The following GAB2 variants were observed in gnomAD, a reference collection of about 807,000 sequenced individuals.
GAB2 encodes GRB2 associated binding protein 2, also known as GRB2-associated-binding protein 2.
GAB2 carries 26 observed loss-of-function variants against 65.5 expected under a neutral mutation model. That is an observed-to-expected ratio of 0.40 (90% CI 0.29 to 0.55). The LOEUF (loss-of-function observed/expected upper bound fraction) is 0.55, where lower values mean the gene tolerates loss of function less well. GAB2 is among the 20% of genes least tolerant of loss of function. GAB2 has a pLI of 0.53. For synonymous variants in GAB2, 321 were observed against 329.6 expected (o/e 0.97, Z 0.28); for missense variants, 884 against 875.8 (o/e 1.01, Z -0.12).
intron 1 of GAB2, among the ~76,000 whole-genome samples, chr11:78,304,346 C>T (rs1023141104): frequency 5.9e-5 from 9 of 152,132 alleles, no homozygotes; most frequent in Non-Finnish European, 4.4e-5. Context: ...ATCCCATACC[C>T]ATTAGTCAAT....
intron 3 of GAB2, among the ~76,000 whole-genome samples, chr11:78,240,452 G>C (rs1258599220): frequency 6.6e-6 from 1 of 152,130 alleles, no homozygotes; most frequent in East Asian, 1.9e-4. Flanking sequence ...AACAACTCTA[G>C]TGCCTTGCTT....
At chr11:78,291,120 G>C (rs565862089) in intron 1 of GAB2, among the ~76,000 whole-genome samples, 17 of 152,064 alleles carry the variant, frequency 1.1e-4, no homozygotes, top group South Asian at 6.3e-4. Flanking sequence ...CTAAACAAAG[G>C]GTGGGAAGGT....
intron 1 of GAB2, among the ~76,000 whole-genome samples, chr11:78,342,483 A>G (rs932196418): frequency 7.3e-6 from 1 of 136,872 alleles, no homozygotes; most frequent in African/African-American, 2.8e-5. Flanking sequence ...ATCTCGGCTC[A>G]CTACAAGCTC....
intron 1 of GAB2, among the ~76,000 whole-genome samples, chr11:78,334,991 T>C (rs1255805926): frequency 1.3e-5 from 2 of 152,260 alleles, no homozygotes; most frequent in African/African-American, 4.8e-5. Context: ...TCTCTGATGA[T>C]CAATGATGTT....
At chr11:78,347,000 T>C (rs1856202585) in intron 1 of GAB2, among the ~76,000 whole-genome samples, 1 of 151,770 alleles carries the variant, frequency 6.6e-6, no homozygotes, top group Admixed American at 6.6e-5. Context: ...TCACTATTTG[T>C]TTTCCAAAAA....
chr11:78,270,858 G>A (rs552438434), intron 2 of GAB2, among the ~76,000 whole-genome samples: 36 of 152,336 alleles, frequency 2.4e-4, no homozygotes, highest in East Asian at 1.9e-3. Context: ...ACGCTGTGAG[G>A]AGCATCATCT....
intron 1 of GAB2, among the ~76,000 whole-genome samples, chr11:78,380,840 T>G (rs376044420): frequency 7.5e-6 from 1 of 132,622 alleles, no homozygotes; most frequent in Non-Finnish European, 1.5e-5. Flanking sequence ...TCTCAGAACG[T>G]TGTCCCTCCT....
At chr11:78,314,539 C>T (rs1855562470) in intron 1 of GAB2, among the ~76,000 whole-genome samples, 1 of 152,174 alleles carries the variant, frequency 6.6e-6, no homozygotes, top group Non-Finnish European at 1.5e-5. Context: ...CTTTGCTGTG[C>T]TTTAGTATCT....
At chr11:78,356,273 T>C (rs1329064784) in intron 1 of GAB2, among the ~76,000 whole-genome samples, 1 of 152,138 alleles carries the variant, frequency 6.6e-6, no homozygotes, top group Non-Finnish European at 1.5e-5. Flanking sequence ...GTTATCTCTG[T>C]ACAAGTTTCA....
chr11:78,320,469 C>T (rs1855701266), intron 1 of GAB2, among the ~76,000 whole-genome samples: 1 of 152,160 alleles, frequency 6.6e-6, no homozygotes, highest in Non-Finnish European at 1.5e-5. Context: ...ATTTGGACAT[C>T]ATCCTAAGGA....
At chr11:78,303,525 T>G (rs915929812) in intron 1 of GAB2, among the ~76,000 whole-genome samples, 8 of 152,202 alleles carry the variant, frequency 5.3e-5, no homozygotes, top group African/African-American at 1.7e-4. Context: ...ATAATATCAT[T>G]TTTCATATAT....
chr11:78,341,775 C>G (rs186126943), intron 1 of GAB2: 2 of 986,108 alleles, frequency 2.0e-6, no homozygotes, highest in Admixed American at 6.2e-5. Context: ...CATGATGATA[C>G]CAAAGGTCTA....
rs71046967 is a variant in GAB2 at position 78,346,674 on chromosome 11, CATATATATATATATATATATAT to C, written c.76-65795_76-65774del. Among the ~76,000 whole-genome samples the C allele has an allele frequency of 3.3e-3, 183 of 54,910 alleles. 4 individuals are homozygous for C. Among genetic ancestry groups the C allele is most frequent in the Non-Finnish European group, 3.7e-3 (114 of 31,108 alleles). The allele number at this position is 54,910 out of a possible 152,430, so 36.0% of individuals were successfully genotyped here. On this transcript the variant is annotated intron_variant, in intron 1 of 9. Coordinates refer to ENST00000361507, the MANE Select transcript of GAB2 (RefSeq NM_080491.3). ...TGGGCTGTTCTGTTTACATCCCCTC[CATATATATATATATATATATAT>C]ATATATATATATATATATATATATA...
At chr11:78,416,099 T>C (rs1220587572) in intron 1 of GAB2, among the ~76,000 whole-genome samples, 1 of 152,172 alleles carries the variant, frequency 6.6e-6, no homozygotes, top group East Asian at 1.9e-4. Context: ...AATTAAAATA[T>C]TCAACCTTCC....
At chr11:78,248,096 A>G (rs774670055) in intron 3 of GAB2, among the ~76,000 whole-genome samples, 6 of 152,228 alleles carry the variant, frequency 3.9e-5, no homozygotes, top group Non-Finnish European at 7.3e-5. Flanking sequence ...ATAGTAATGT[A>G]TTAATATAAA....
intron 1 of GAB2, among the ~76,000 whole-genome samples, chr11:78,358,000 G>A (rs1009631384): frequency 6.6e-6 from 1 of 152,168 alleles, no homozygotes. Flanking sequence ...GTACATGTAT[G>A]TTTATTGCGG....
chr11:78,406,103 C>A (rs1482357987), intron 1 of GAB2, among the ~76,000 whole-genome samples: 1 of 152,110 alleles, frequency 6.6e-6, no homozygotes, highest in Non-Finnish European at 1.5e-5. Context: ...GATATGCATA[C>A]CCAAAAACTG....
At chr11:78,241,320 G>T (rs1385643384) in intron 3 of GAB2, among the ~76,000 whole-genome samples, 6 of 152,290 alleles carry the variant, frequency 3.9e-5, no homozygotes, top group African/African-American at 1.4e-4. Context: ...CTTTCTCTAA[G>T]AAATCCACTC....
chr11:78,344,708 GAAAA>G (rs1007915003), intron 1 of GAB2, among the ~76,000 whole-genome samples: 1 of 151,322 alleles, frequency 6.6e-6, no homozygotes. Flanking sequence ...ACTTCTAAGA[GAAAA>G]AAAAATTAAT....
Sources: allele counts gnomAD v4.1 joint callset (sites outside exome capture counted in the v4.1 genomes callset), GRCh38; gene constraint gnomAD v4.1.1; transcripts MANE v1.5; gene names NCBI Gene and HGNC (gene_info 2026-07-23, HGNC 2026-07-21).